PTPRE: variants seen among roughly 807,000 people sequenced by gnomAD.
PTPRE encodes the protein protein tyrosine phosphatase receptor type E.
In PTPRE, 51 loss-of-function variants were observed where a neutral mutation model predicts 102.0. The observed-to-expected ratio is 0.50, with a 90% CI of 0.40 to 0.63. The LOEUF (loss-of-function observed/expected upper bound fraction) is 0.63, where lower values mean the gene tolerates loss of function less well. Among genes scored for constraint, PTPRE ranks in the 30% least tolerant of loss-of-function variants. The pLI, the probability that PTPRE is intolerant of heterozygous loss-of-function variation, is 0.00. For synonymous variants in PTPRE, 345 were observed against 348.2 expected, an observed-to-expected ratio of 0.99 and a Z score of 0.10; for missense variants, 752 against 915.1, an observed-to-expected ratio of 0.82 and a Z score of 2.30.
At chr10:127,942,720 G>A (rs920063080) in intron 1 of PTPRE, among the ~76,000 whole-genome samples, 5 of 152,216 alleles carry the variant, frequency 3.3e-5, no homozygotes, top group African/African-American at 1.2e-4. Flanking sequence ...GCTGGAGAGA[G>A]AGGGATGGAG....
intron 2 of PTPRE, chr10:127,998,130 C>T (rs961757013): frequency 6.6e-6 from 1 of 152,252 alleles, no homozygotes; most frequent in Non-Finnish European, 1.5e-5. Context: ...AAAGAGATCT[C>T]AAATCCTGTT....
chr10:128,071,169 G>A (rs1194265728), intron 15 of PTPRE: 7 of 486,270 alleles, frequency 1.4e-5, no homozygotes, highest in Non-Finnish European at 2.2e-5. Flanking sequence ...GGGCAGCCGA[G>A]GCTGATTTCA....
chr10:127,955,073 C>T (rs1247145375), intron 1 of PTPRE, among the ~76,000 whole-genome samples: 2 of 151,928 alleles, frequency 1.3e-5, no homozygotes, highest in African/African-American at 2.4e-5. Flanking sequence ...GACTACTACT[C>T]CATAGTGGAG....
At chr10:128,033,786 A>G (rs961585037) in intron 2 of PTPRE, among the ~76,000 whole-genome samples, 8 of 152,174 alleles carry the variant, frequency 5.3e-5, no homozygotes, top group Non-Finnish European at 1.2e-4. Flanking sequence ...CTGGGATTAC[A>G]GGCGTGCACC....
At chr10:128,030,474 AG>A (rs1173333408) in intron 2 of PTPRE, among the ~76,000 whole-genome samples, 2 of 152,186 alleles carry the variant, frequency 1.3e-5, no homozygotes, top group Non-Finnish European at 2.9e-5. Flanking sequence ...CTGGGTCTTC[AG>A]GCTCCGTGGC....
intron 1 of PTPRE, among the ~76,000 whole-genome samples, chr10:127,945,840 A>T (rs765349926): frequency 5.3e-5 from 8 of 152,028 alleles, no homozygotes; most frequent in Non-Finnish European, 8.8e-5. Context: ...ATCGTTGCTA[A>T]CCCCTGTGGG....
intron 2 of PTPRE, among the ~76,000 whole-genome samples, chr10:128,038,769 C>T (rs1330406827): frequency 6.6e-6 from 1 of 152,098 alleles, no homozygotes; most frequent in Non-Finnish European, 1.5e-5. Context: ...AACAAAACTG[C>T]ACGTTGTGCA....
chr10:127,908,446 A>AG (rs1426270249), intron 1 of PTPRE, among the ~76,000 whole-genome samples: 1 of 69,794 alleles, frequency 1.4e-5, no homozygotes, highest in Non-Finnish European at 2.9e-5. Context: ...GTGGGTGGGG[A>AG]GGGGGGGTGT....
intron 12 of PTPRE, chr10:128,068,498 C>A: frequency 2.2e-6 from 1 of 457,168 alleles, no homozygotes; most frequent in Non-Finnish European, 3.6e-6. Flanking sequence ...CGATAAAACC[C>A]ACCAAAGCCA....
intron 2 of PTPRE, among the ~76,000 whole-genome samples, chr10:128,031,076 C>T (rs970057884): frequency 2.0e-5 from 3 of 152,242 alleles, no homozygotes; most frequent in Non-Finnish European, 4.4e-5. Context: ...TCTCCACATC[C>T]TGGCAGTCAA....
intron 1 of PTPRE, among the ~76,000 whole-genome samples, chr10:127,913,327 A>G (rs1050603477): frequency 6.6e-6 from 1 of 152,256 alleles, no homozygotes; most frequent in Non-Finnish European, 1.5e-5. Flanking sequence ...TAAATGCACA[A>G]ACATAATTTT....
Position 128,072,139 on chromosome 10 carries a change from T to A in PTPRE, c.1389T>A (p.Tyr463Ter). 1 of 1,613,676 alleles carries A rather than the reference T, an allele frequency of 6.2e-7. No individual in the cohort carries two copies. The highest frequency in any genetic ancestry group is 8.5e-7 in the Non-Finnish European group (1 of 1,179,720). The part of the protein sequence containing the change: ...KKARVIQIIP[Y>*]DFNRVILSMK... ...CTAAAGGAAGATAATGCTTTGCAGA[T>A]GACTTCAACCGAGTGATCCTTTCCA... The change falls in exon 16 of 21, where the codon TAT (tyrosine) becomes TAA (stop). Residue 463 changes from tyrosine (Y) to a stop codon, truncating the protein, a stop_gained and splice_region_variant. Transcript: ENST00000254667. LOFTEE classifies it high-confidence loss of function.
intron 7 of PTPRE, among the ~76,000 whole-genome samples, chr10:128,057,386 G>T (rs1849079571): frequency 6.6e-6 from 1 of 152,152 alleles, no homozygotes; most frequent in African/African-American, 2.4e-5. Flanking sequence ...GCCTCCGCCT[G>T]GTCCACAAAG....
Position 128,070,210 on chromosome 10 carries a change from A to T in PTPRE, c.1144-91A>T. 1 of 1,446,556 alleles carries T rather than the reference A, an allele frequency of 6.9e-7. No individual in the cohort carries two copies. Among genetic ancestry groups the T allele is most frequent in the East Asian group, 2.3e-5 (1 of 43,328 alleles). 89.6% of individuals were successfully genotyped at this position (1,446,556 alleles called of 1,614,324 possible). A position where few individuals can be genotyped will look rare whatever the true frequency, so the allele number is the denominator to read the frequency against. ...TTGTGTTGGCAAAAAGAGAAAAAGA[A>T]GAAAGCCGCCCTCTTTGGTCTGCCA... is the stretch of plus-strand genomic sequence containing the variant. On this transcript the variant is annotated intron_variant, in intron 13 of 20. Coordinates refer to ENST00000254667, the MANE Select transcript of PTPRE (RefSeq NM_006504.6). This position sits in a 1 kb window ranked among gnomAD's most constrained non-coding sequence, Gnocchi z 4.8.
At chr10:128,054,326 G>A (rs927086438) in intron 6 of PTPRE, among the ~76,000 whole-genome samples, 2 of 152,024 alleles carry the variant, frequency 1.3e-5, no homozygotes, top group African/African-American at 2.4e-5. Flanking sequence ...CCCACCATCC[G>A]GTATCATGCC....
intron 15 of PTPRE, chr10:128,071,218 A>G (rs1850741660): frequency 2.5e-6 from 1 of 398,136 alleles, no homozygotes; most frequent in East Asian, 4.8e-5. Flanking sequence ...TGCGGCAGGC[A>G]CGACTTGGGA....
intron 1 of PTPRE, among the ~76,000 whole-genome samples, chr10:127,981,455 A>C (rs1032091391): frequency 3.3e-5 from 5 of 152,330 alleles, no homozygotes; most frequent in Non-Finnish European, 7.3e-5. Flanking sequence ...AAACAAGTGA[A>C]CTTTATCGTA....
Position 128,060,926 on chromosome 10 carries a change from G to GT in PTPRE, c.512-5dup, listed in dbSNP as rs747258751. 1.5e-4 allele frequency: 238 copies of GT among 1,611,848 alleles called. 1 individual carries two copies. Among genetic ancestry groups the GT allele is most frequent in the Middle Eastern group, 9.9e-4 (6 of 6,052 alleles). On this transcript the variant is annotated splice_polypyrimidine_tract_variant and intron_variant, in intron 7 of 20. Coordinates refer to ENST00000254667, the MANE Select transcript of PTPRE (RefSeq NM_006504.6). ...GTCCTAATATCTTGGCTTTGTTTGG[G>GT]TTTTTTTTCCAGATGACCATTCTAG...
intron 2 of PTPRE, among the ~76,000 whole-genome samples, chr10:128,032,025 T>C (rs1332487585): frequency 1.3e-5 from 2 of 152,152 alleles, no homozygotes; most frequent in African/African-American, 4.8e-5. Flanking sequence ...ATTAAACCTT[T>C]ATTTTTTTGA....
Sources: allele counts gnomAD v4.1 joint callset (sites outside exome capture counted in the v4.1 genomes callset), GRCh38; gene constraint gnomAD v4.1.1; non-coding constraint Gnocchi (gnomAD v3.1); transcripts MANE v1.5; gene names NCBI Gene and HGNC (gene_info 2026-07-23, HGNC 2026-07-21).